ESYT2: variants seen among roughly 807,000 people sequenced by gnomAD.
ESYT2 encodes extended synaptotagmin-2.
A neutral mutation model predicts 107.2 loss-of-function variants in ESYT2; 54 were observed. That is an observed-to-expected ratio of 0.50 (90% CI 0.40 to 0.63). The LOEUF (loss-of-function observed/expected upper bound fraction) is 0.63. ESYT2 is among the 30% of genes least tolerant of loss of function. The pLI is 0.00. For synonymous variants in ESYT2, 491 were observed against 434.1 expected (o/e 1.13, Z -1.63); for missense variants, 1,020 against 1,094.5 (o/e 0.93, Z 0.96).
intron 14 of ESYT2, among the ~76,000 whole-genome samples, chr7:158,752,486 C>T (rs1837618473): frequency 6.6e-6 from 1 of 152,212 alleles, no homozygotes; most frequent in Admixed American, 6.5e-5. Context: ...TCACAATTTT[C>T]ACAAATTCAA....
chr7:158,811,443 T>C (rs1053791079), intron 1 of ESYT2, among the ~76,000 whole-genome samples: 5 of 152,202 alleles, frequency 3.3e-5, no homozygotes, highest in Middle Eastern at 3.2e-3. Context: ...AGCCATTCCA[T>C]TGTGGGTCCC....
intron 18 of ESYT2, 62 bp downstream of exon 18, chr7:158,741,461 C>G: frequency 2.1e-6 from 3 of 1,396,760 alleles, no homozygotes; most frequent in Middle Eastern, 2.4e-4. Context: ...CGACTCTCCC[C>G]CAGCGTGGGG....
chr7:158,770,977 A>C (rs1274727628), intron 7 of ESYT2, among the ~76,000 whole-genome samples: 1 of 152,150 alleles, frequency 6.6e-6, no homozygotes, highest in African/African-American at 2.4e-5. Context: ...AGTGAGATCT[A>C]TCTCTGAAAA....
chr7:158,734,361 G>C (rs959324761), intron 22 of ESYT2, 61 bp downstream of exon 22: 7 of 1,610,912 alleles, frequency 4.3e-6, no homozygotes, highest in Non-Finnish European at 5.1e-6. Flanking sequence ...ACTACCCACT[G>C]GGCGGGGAAA....
At chr7:158,824,048 T>C (rs1236124503) in intron 1 of ESYT2, among the ~76,000 whole-genome samples, 1 of 152,226 alleles carries the variant, frequency 6.6e-6, no homozygotes, top group Non-Finnish European at 1.5e-5. Context: ...TAAATTTAAA[T>C]CTATTTTTTA....
chr7:158,804,374 AAGGGTGAGGCGAGTG>A (rs1839749980), intron 1 of ESYT2, among the ~76,000 whole-genome samples: 2 of 148,254 alleles, frequency 1.3e-5, no homozygotes, highest in Non-Finnish European at 3.0e-5. Flanking sequence ...AACCGTTGAG[AAGGGTGAGGCGAGTG>A]ACAAACCCAA....
At chr7:158,828,446 G>A (rs1046774254) in intron 1 of ESYT2, among the ~76,000 whole-genome samples, 1 of 152,200 alleles carries the variant, frequency 6.6e-6, no homozygotes, top group Non-Finnish European at 1.5e-5. Context: ...CGCGCGCTCC[G>A]GGCAGGGCCG....
chr7:158,781,644 T>A (rs79564452), intron 6 of ESYT2, among the ~76,000 whole-genome samples: 3 of 147,488 alleles, frequency 2.0e-5, no homozygotes, highest in Non-Finnish European at 1.5e-5. Context: ...AAGTGAGGTG[T>A]GTGAAAGAAC....
At position 158,770,033 on chromosome 7, in the gene ESYT2, C is replaced by T. The variant is rs149168385; in HGVS notation, c.804-2259G>A. 7.7e-3 allele frequency among the ~76,000 whole-genome samples: 1,169 copies of T among 152,004 alleles called. 13 individuals are homozygous for T. The highest frequency in any genetic ancestry group is 0.031 in the South Asian group (148 of 4,806). ...TCCACCTCCCGAGTAGCTGGGATTA[C>T]AGGTGTGTGCCCACGCCCAACTAAT... On this transcript the variant is annotated intron_variant, in intron 7 of 22. Coordinates refer to ENST00000275418, the MANE Select transcript of ESYT2 (RefSeq NM_001367773.1).
intron 6 of ESYT2, among the ~76,000 whole-genome samples, chr7:158,782,226 TGA>T (rs961369313): frequency 6.8e-4 from 44 of 65,106 alleles, no homozygotes; most frequent in African/African-American, 9.3e-4. Context: ...AGAACAGATG[TGA>T]GTGTAACAAC....
chr7:158,743,701 A>C (rs750608790), intron 16 of ESYT2, 23 bp from the exon 17 acceptor site: 31 of 1,597,650 alleles, frequency 1.9e-5, no homozygotes, highest in Non-Finnish European at 2.6e-5. Context: ...GGGTGGAAAC[A>C]CTGGCATAAC....
intron 8 of ESYT2, 23 bp from the exon 9 acceptor site, chr7:158,764,876 G>A: frequency 6.2e-7 from 1 of 1,609,728 alleles, no homozygotes; most frequent in Non-Finnish European, 8.5e-7. Flanking sequence ...ACAAACTGAA[G>A]TTTAGACCCT....
intron 1 of ESYT2, among the ~76,000 whole-genome samples, chr7:158,819,437 A>T (rs1328302420): frequency 6.6e-6 from 1 of 152,226 alleles, no homozygotes; most frequent in Non-Finnish European, 1.5e-5. Context: ...AATGTCTATC[A>T]GACATCATTT....
At chr7:158,735,709 G>A (rs754416178) in intron 20 of ESYT2, 101 bp from the exon 21 acceptor site, 69 of 1,028,774 alleles carry the variant, frequency 6.7e-5, no homozygotes, top group Non-Finnish European at 9.6e-5. Context: ...CAAATGTCAT[G>A]TTTGTTTTTT....
intron 1 of ESYT2, among the ~76,000 whole-genome samples, chr7:158,815,410 C>T (rs1840123344): frequency 6.6e-6 from 1 of 152,124 alleles, no homozygotes; most frequent in Non-Finnish European, 1.5e-5. Flanking sequence ...TGTTCACATT[C>T]CTGGCTCACT....
chr7:158,734,439 G>T lies in ESYT2; in HGVS notation c.2538C>A (p.Ala846=). ...VLVALASEEL[A]KGWTQWYDLT... is the part of the protein sequence containing the mutation. ...ACACTCACCACTGGGTCCAGCCTTT[G>T]GCAAGTTCTTCAGATGCCAGAGCAA... The change falls in exon 22 of 23, where the codon GCC becomes GCA. Residue 846 remains alanine (A), a synonymous_variant. Transcript: ENST00000275418. 1 of 1,613,972 alleles carries T rather than the reference G, an allele frequency of 6.2e-7. No homozygotes were observed. Among genetic ancestry groups the T allele is most frequent in the East Asian group, 2.2e-5 (1 of 44,884 alleles).
intron 16 of ESYT2, among the ~76,000 whole-genome samples, chr7:158,747,287 C>A (rs1029047068): frequency 1.3e-5 from 2 of 151,512 alleles, no homozygotes; most frequent in Admixed American, 6.6e-5. Context: ...GTGGAGGCTG[C>A]AGTGACTGAG....
rs1665683771 is a variant in ESYT2 at position 158,731,641 on chromosome 7, C to A, written c.*2566G>T. ...TATTTTAATCTGAACTTGGAAACACCTTCCTACTTTAAGGCACAGGATCAG... is the reference window on the plus strand; with the variant it reads ...TATTTTAATCTGAACTTGGAAACACATTCCTACTTTAAGGCACAGGATCAG... On this transcript the variant is annotated 3_prime_UTR_variant, in exon 23 of 23. Coordinates refer to ENST00000275418, the MANE Select transcript of ESYT2 (RefSeq NM_001367773.1). 6.6e-6 allele frequency: 1 copy of A among 152,642 alleles called. No individual in the cohort carries two copies. Among genetic ancestry groups the A allele is most frequent in the Non-Finnish European group, 1.5e-5 (1 of 68,072 alleles). 9.5% of individuals were successfully genotyped at this position (152,642 alleles called of 1,614,324 possible).
chr7:158,791,809 A>G (rs1020498997), intron 4 of ESYT2, among the ~76,000 whole-genome samples: 4 of 152,172 alleles, frequency 2.6e-5, no homozygotes, highest in Non-Finnish European at 5.9e-5. Flanking sequence ...TTCTCTATAT[A>G]TCCTGGATGA....
Sources: allele counts gnomAD v4.1 joint callset (sites outside exome capture counted in the v4.1 genomes callset), GRCh38; gene constraint gnomAD v4.1.1; transcripts MANE v1.5; gene names NCBI Gene and HGNC (gene_info 2026-07-23, HGNC 2026-07-21).